CPNE8: variants seen among roughly 807,000 people sequenced by gnomAD.
CPNE8 encodes copine 8.
A neutral mutation model predicts 81.5 loss-of-function variants in CPNE8; 45 were observed. The ratio of observed to expected loss-of-function variants is 0.55; its 90% CI spans 0.44 to 0.71. The LOEUF (loss-of-function observed/expected upper bound fraction) is 0.71. CPNE8 is among the 30% of genes least tolerant of loss of function. The probability of loss-of-function intolerance (pLI) is 0.00; values close to 1 mark genes in which losing one functional copy is unlikely to be tolerated. For synonymous variants in CPNE8, 252 were observed against 226.3 expected (o/e 1.11, Z -1.02); for missense variants, 594 against 672.1 (o/e 0.88, Z 1.28).
At chr12:38,905,606 G>T (rs1012446829), upstream of CPNE8, 2 of 1,528,398 alleles carry the variant, frequency 1.3e-6, no homozygotes, top group Non-Finnish European at 1.8e-6. Context: ...GCTAGCTCCC[G>T]TCAGGCGGGG....
At chr12:38,663,537 C>T (rs1365967531) in intron 19 of CPNE8, among the ~76,000 whole-genome samples, 1 of 151,994 alleles carries the variant, frequency 6.6e-6, no homozygotes, top group African/African-American at 2.4e-5. Context: ...GAAAAGGGAA[C>T]TCATACATTG....
At chr12:38,700,624 T>C (rs1400092133) in intron 14 of CPNE8, among the ~76,000 whole-genome samples, 2 of 152,058 alleles carry the variant, frequency 1.3e-5, no homozygotes, top group South Asian at 2.1e-4. Flanking sequence ...GATGATCATG[T>C]GGTTTCTGTG....
intron 16 of CPNE8, chr12:38,679,590 A>T (rs1299002490): frequency 1.4e-5 from 14 of 984,924 alleles, no homozygotes; most frequent in Non-Finnish European, 1.3e-5. Flanking sequence ...TTTACTTTTA[A>T]GTTCTGTCCA....
intron 6 of CPNE8, among the ~76,000 whole-genome samples, chr12:38,797,347 A>T (rs1565621657): frequency 6.6e-6 from 1 of 152,182 alleles, no homozygotes; most frequent in African/African-American, 2.4e-5. Context: ...CCTCTGAGAC[A>T]AAACTTCCAG....
chr12:38,822,142 A>G (rs1212856482), intron 6 of CPNE8, among the ~76,000 whole-genome samples: 1 of 152,164 alleles, frequency 6.6e-6, no homozygotes, highest in African/African-American at 2.4e-5. Flanking sequence ...GCAAATAAAA[A>G]AATATTTTAT....
At chr12:38,774,548 C>T (rs148428524) in intron 7 of CPNE8, among the ~76,000 whole-genome samples, 1,816 of 151,974 alleles carry the variant, frequency 0.012, 64 homozygotes, top group Admixed American at 0.048. Context: ...TATATGCAAA[C>T]TACTTTTATG....
chr12:38,811,043 A>T (rs1016849503), intron 6 of CPNE8, among the ~76,000 whole-genome samples: 1 of 152,030 alleles, frequency 6.6e-6, no homozygotes, highest in African/African-American at 2.4e-5. Context: ...AGTAACCTTA[A>T]CTATACCTGT....
intron 8 of CPNE8, among the ~76,000 whole-genome samples, chr12:38,765,177 T>G (rs568273230): frequency 2.6e-5 from 4 of 152,188 alleles, no homozygotes; most frequent in Admixed American, 6.5e-5. Context: ...AAAACCTCAC[T>G]GGTAAGAATT....
At chr12:38,734,585 C>T (rs1467755630) in intron 10 of CPNE8, among the ~76,000 whole-genome samples, 1 of 152,026 alleles carries the variant, frequency 6.6e-6, no homozygotes, top group East Asian at 1.9e-4. Flanking sequence ...ACCTAACCCA[C>T]CTCATCCCTT....
At chr12:38,683,747 T>C (rs887836011) in intron 16 of CPNE8, among the ~76,000 whole-genome samples, 13 of 152,252 alleles carry the variant, frequency 8.5e-5, no homozygotes, top group Admixed American at 5.9e-4. Context: ...AGCCATCTCT[T>C]ACTGTTTTTC....
At chr12:38,835,042 A>G (rs1943357550) in intron 5 of CPNE8, among the ~76,000 whole-genome samples, 1 of 152,080 alleles carries the variant, frequency 6.6e-6, no homozygotes, top group African/African-American at 2.4e-5. Flanking sequence ...ATGTGCCACC[A>G]TGCCCATCTA....
Position 38,859,002 on chromosome 12 carries a change from G to A in CPNE8, c.187-10340C>T, listed in dbSNP as rs181437767. Among the ~76,000 whole-genome samples the A allele has an allele frequency of 8.5e-5, 13 of 152,178 alleles. No individual in the cohort carries two copies. In the East Asian group the frequency reaches 2.3e-3, roughly 27 times the overall value. ...GCCTACGGCAACATCATACTCGTTG[G>A]TGAAAAACTGAAAGCTTTTCCTCTA... On this transcript the variant is annotated intron_variant, in intron 3 of 19. Coordinates refer to ENST00000331366, the MANE Select transcript of CPNE8 (RefSeq NM_153634.3).
intron 14 of CPNE8, among the ~76,000 whole-genome samples, chr12:38,699,489 T>C (rs1176728054): frequency 6.6e-6 from 1 of 152,204 alleles, no homozygotes; most frequent in Non-Finnish European, 1.5e-5. Context: ...CATTTAACAA[T>C]ATATCTTAGA....
At chr12:38,746,505 G>T (rs1941229967) in intron 10 of CPNE8, among the ~76,000 whole-genome samples, 2 of 152,190 alleles carry the variant, frequency 1.3e-5, no homozygotes, top group African/African-American at 4.8e-5. Flanking sequence ...ATGCTGAGGT[G>T]CTTCAGAGTT....
intron 10 of CPNE8, among the ~76,000 whole-genome samples, chr12:38,756,597 C>T (rs964445884): frequency 6.6e-6 from 1 of 152,130 alleles, no homozygotes; most frequent in Non-Finnish European, 1.5e-5. Context: ...CTGACATATT[C>T]TCTCTAGATT....
intron 13 of CPNE8, among the ~76,000 whole-genome samples, chr12:38,706,227 A>AAACTAAACAGATGTTCTTTTTTGTG (rs1940102448): frequency 1.3e-5 from 2 of 152,116 alleles, no homozygotes; most frequent in Non-Finnish European, 2.9e-5. Flanking sequence ...TCCTAGAAAA[A>AAACTAAACAGATGTTCTTTTTTGTG]AACTAAACAG....
chr12:38,792,458 C>A (rs1942348937), intron 6 of CPNE8, among the ~76,000 whole-genome samples: 3 of 150,234 alleles, frequency 2.0e-5, no homozygotes, highest in South Asian at 4.2e-4. Flanking sequence ...CAACTGCAGG[C>A]CAAGAAATTG....
chr12:38,885,330 C>T (rs1249893842), intron 1 of CPNE8, among the ~76,000 whole-genome samples: 1 of 152,010 alleles, frequency 6.6e-6, no homozygotes, highest in African/African-American at 2.4e-5. Flanking sequence ...AGTGAATTGG[C>T]ATTTTATAAG....
chr12:38,792,704 G>GA (rs1462855918), intron 6 of CPNE8, among the ~76,000 whole-genome samples: 1 of 151,528 alleles, frequency 6.6e-6, no homozygotes. Flanking sequence ...AAATTAAAAG[G>GA]AAAAAATACT....
Sources: gnomAD v4.1 joint callset for allele counts (sites outside exome capture counted in the v4.1 genomes callset) on GRCh38, gnomAD v4.1.1 for gene constraint, MANE v1.5 for transcripts, NCBI Gene and HGNC (gene_info 2026-07-23, HGNC 2026-07-21) for gene names.